DRD2: variants seen among roughly 807,000 people sequenced by gnomAD.
DRD2 encodes D(2) dopamine receptor.
Under a neutral mutation model 38.0 loss-of-function variants are expected in DRD2, and 8 were observed. The observed-to-expected ratio is 0.21, with a 90% confidence interval of 0.12 to 0.38. DRD2 has a LOEUF of 0.38. DRD2 is among the 10% of genes least tolerant of loss of function. DRD2 has a pLI of 1.00. For synonymous variants in DRD2, 230 were observed against 238.6 expected (o/e 0.96, Z 0.33); for missense variants, 403 against 607.7 (o/e 0.66, Z 3.54).
At chr11:113,467,109 G>T (rs1951377828) in intron 1 of DRD2, among the ~76,000 whole-genome samples, 1 of 152,106 alleles carries the variant, frequency 6.6e-6, no homozygotes, top group Non-Finnish European at 1.5e-5. Flanking sequence ...GTTAGTTTCT[G>T]CTTGTCAACA....
Position 113,412,876 on chromosome 11 carries a change from G to A in DRD2, c.818C>T (p.Ala273Val), listed in dbSNP as rs1386197145. ...FPVNRRRVEA[A>V]RRAQELEMEM... is the part of the protein sequence containing the mutation. ...CATCTCCAGCTCCTGGGCTCGCCGG[G>A]CAGCCTCCTGCACCAGAGGCAGAGG... The change falls in exon 7 of 8, where the codon GCC (alanine) becomes GTC (valine). Residue 273 changes from alanine to valine, a missense_variant. By Grantham distance (64) the Ala-to-Val change is moderately conservative (BLOSUM62 0). Transcript: ENST00000362072. The A allele has an allele frequency of 1.9e-6, 3 of 1,610,844 alleles. No individual in the cohort carries two copies. The Admixed American group carries it at 5.0e-5, about 27-fold the overall frequency.
At chr11:113,420,665 C>T (rs968141486) in intron 2 of DRD2, among the ~76,000 whole-genome samples, 1 of 152,206 alleles carries the variant, frequency 6.6e-6, no homozygotes, top group Non-Finnish European at 1.5e-5. Context: ...ATGCTCTCTA[C>T]TAAGCTGCCC....
chr11:113,439,714 C>T (rs1037427279), intron 1 of DRD2, among the ~76,000 whole-genome samples: 6 of 151,388 alleles, frequency 4.0e-5, no homozygotes, highest in Admixed American at 3.9e-4. Flanking sequence ...AGGTGGGCAC[C>T]TGTAATCCCA....
intron 1 of DRD2, among the ~76,000 whole-genome samples, chr11:113,464,993 C>T (rs933760491): frequency 1.3e-5 from 2 of 152,200 alleles, no homozygotes; most frequent in Non-Finnish European, 2.9e-5. Context: ...ACCTCCACTG[C>T]CCCTCCCTAG....
chr11:113,472,697 G>A (rs1366213996), intron 1 of DRD2, among the ~76,000 whole-genome samples: 1 of 152,170 alleles, frequency 6.6e-6, no homozygotes, highest in Non-Finnish European at 1.5e-5. Flanking sequence ...CTACTAGGCT[G>A]AACTAATCAC....
intron 1 of DRD2, among the ~76,000 whole-genome samples, chr11:113,473,316 C>T (rs373227384): frequency 2.0e-5 from 3 of 152,302 alleles, no homozygotes; most frequent in African/African-American, 2.4e-5. Context: ...ACATGAATCA[C>T]TCAGAAACAT....
intron 1 of DRD2, among the ~76,000 whole-genome samples, chr11:113,426,758 T>A (rs1431930135): frequency 6.6e-6 from 1 of 152,182 alleles, no homozygotes; most frequent in Non-Finnish European, 1.5e-5. Context: ...TGGGGTGACA[T>A]GGAATGCCAC....
chr11:113,449,056 T>G (rs1433872270), intron 1 of DRD2, among the ~76,000 whole-genome samples: 1 of 152,214 alleles, frequency 6.6e-6, no homozygotes, highest in Non-Finnish European at 1.5e-5. Context: ...CTCTCTGTCT[T>G]TGATCTTCCC....
Position 113,412,548 on chromosome 11 carries a change from C to T in DRD2, c.1138+8G>A, listed in dbSNP as rs751346753. 15 of 1,603,628 alleles carry T rather than the reference C, an allele frequency of 9.4e-6. No homozygotes were observed. Among genetic ancestry groups the T allele is most frequent in the East Asian group, 2.2e-5 (1 of 44,552 alleles). On this transcript the variant is annotated splice_region_variant and intron_variant, in intron 7 of 7. Transcript: ENST00000362072. ...CCGGGCTGTGGCCAGCAGCCAGGGCCGACTCACCGAGAACAATGGCGAGCA... is the reference window on the plus strand; with the variant it reads ...CCGGGCTGTGGCCAGCAGCCAGGGCTGACTCACCGAGAACAATGGCGAGCA...
intron 4 of DRD2, among the ~76,000 whole-genome samples, chr11:113,416,322 G>T (rs1284658832): frequency 6.6e-6 from 1 of 152,160 alleles, no homozygotes; most frequent in Non-Finnish European, 1.5e-5. Context: ...GCTTTGTGTT[G>T]CCTCTGTCTG....
At chr11:113,452,277 G>A (rs1402009922) in intron 1 of DRD2, among the ~76,000 whole-genome samples, 1 of 152,100 alleles carries the variant, frequency 6.6e-6, no homozygotes, top group Admixed American at 6.5e-5. Context: ...ACAGCCAAGG[G>A]GCCGGTGGAT....
intron 1 of DRD2, among the ~76,000 whole-genome samples, chr11:113,473,618 G>A (rs1463662294): frequency 6.6e-6 from 1 of 152,132 alleles, no homozygotes; most frequent in Non-Finnish European, 1.5e-5. Flanking sequence ...TTCCTTGTCA[G>A]ATGTCTGCAT....
intron 1 of DRD2, among the ~76,000 whole-genome samples, chr11:113,447,326 T>C (rs1951160979): frequency 6.6e-6 from 1 of 152,118 alleles, no homozygotes; most frequent in Non-Finnish European, 1.5e-5. Context: ...GTGCCTTTCC[T>C]GGGGGAGCTC....
chr11:113,416,942 C>T lies in DRD2; in HGVS notation c.453G>A (p.Arg151=), dbSNP rs199549160. ...AGACGATGGAGATCATGACGGTGACCCGGCGCTTGGAGCTGTAGCGCGTAT... is the reference window on the plus strand; with the variant it reads ...AGACGATGGAGATCATGACGGTGACTCGGCGCTTGGAGCTGTAGCGCGTAT... ...LYNTRYSSKR[R]VTVMISIVWV... is the part of the protein sequence containing the mutation. Residue 151 remains arginine (R), a synonymous_variant, in exon 4 of 8, where the codon CGG becomes CGA. Coordinates refer to ENST00000362072, the MANE Select transcript of DRD2 (RefSeq NM_000795.4). The T allele has an allele frequency of 1.9e-6, 3 of 1,614,138 alleles. No individual in the cohort carries two copies. The highest frequency in any genetic ancestry group is 2.5e-6 in the Non-Finnish European group (3 of 1,180,012).
chr11:113,420,518 G>A lies in DRD2; in HGVS notation c.286-2382C>T, dbSNP rs117973320. ...GGCATTGCACTTTATCTCATGTATC[G>A]TTCTTAAAACTTTTACAAGAAGGGC... On this transcript the variant is annotated intron_variant, in intron 2 of 7. Transcript: ENST00000362072. 1.7e-3 allele frequency among the ~76,000 whole-genome samples: 261 copies of A among 152,250 alleles called. 3 individuals carry two copies. Among genetic ancestry groups the A allele is most frequent in the East Asian group, 0.012 (60 of 5,168 alleles).
chr11:113,412,983 G>T, intron 6 of DRD2, 100 bp from the exon 7 acceptor site: 1 of 1,329,620 alleles, frequency 7.5e-7, no homozygotes, highest in Non-Finnish European at 1.0e-6. Flanking sequence ...GAAGACTCCT[G>T]CAAACACCAC....
chr11:113,474,353 A>C (rs1289718790), intron 1 of DRD2: 1 of 152,138 alleles, frequency 6.6e-6, no homozygotes, highest in East Asian at 1.9e-4. Context: ...CTCTCGGTCC[A>C]TCATAGAGCC....
chr11:113,447,752 A>G (rs1031718250), intron 1 of DRD2: 1 of 152,198 alleles, frequency 6.6e-6, no homozygotes, highest in African/African-American at 2.4e-5. Flanking sequence ...CACATTTCCA[A>G]CCATGTGACC....
At chr11:113,429,853 TC>T (rs1950970618) in intron 1 of DRD2, among the ~76,000 whole-genome samples, 1 of 152,252 alleles carries the variant, frequency 6.6e-6, no homozygotes, top group Admixed American at 6.5e-5. Flanking sequence ...AGCCCAGTTT[TC>T]CCATACACAA....
Sources: allele counts gnomAD v4.1 joint callset (sites outside exome capture counted in the v4.1 genomes callset), GRCh38; gene constraint gnomAD v4.1.1; transcripts MANE v1.5; gene names NCBI Gene and HGNC (gene_info 2026-07-23, HGNC 2026-07-21).